Variants in PLA2R1 observed in about 807,000 individuals in gnomAD.
PLA2R1 encodes phospholipase A2 receptor 1.
Under a neutral mutation model 195.9 loss-of-function variants are expected in PLA2R1, and 158 were observed. The observed-to-expected ratio is 0.81, with a 90% CI of 0.71 to 0.92. PLA2R1 has a LOEUF of 0.92. Ranked by LOEUF, PLA2R1 falls within the 40% of genes least tolerant of loss-of-function variation. The pLI is 0.00. For missense variants in PLA2R1, 1,626 were observed against 1,764.6 expected (o/e 0.92, Z 1.41); for synonymous variants, 586 against 598.2 (o/e 0.98, Z 0.30).
In PLA2R1 at chr2:160,050,998, T is replaced by C. The variant is rs375335678; in HGVS notation, c.110-5841A>G. On this transcript the variant is annotated intron_variant, in intron 1 of 29. Transcript: ENST00000283243. The stretch of plus-strand genomic sequence containing the variant: ...CTCTTAGAACTAGCTGAGTGAAGGT[T>C]TGAAGTGTTAAAGTGAGTAAGATAA... Among the ~76,000 whole-genome samples the C allele has an allele frequency of 2.6e-5, 4 of 152,318 alleles. 1 individual carries two copies. The highest frequency in any genetic ancestry group is 9.6e-5 in the African/African-American group (4 of 41,566).
At chr2:160,007,509 C>A (rs1482124466) in intron 10 of PLA2R1, among the ~76,000 whole-genome samples, 1 of 152,248 alleles carries the variant, frequency 6.6e-6, no homozygotes, top group Non-Finnish European at 1.5e-5. Context: ...GAGGAACACA[C>A]CGGTGGAAGA....
intron 4 of PLA2R1, among the ~76,000 whole-genome samples, chr2:160,031,395 G>A (rs1210774121): frequency 6.6e-6 from 1 of 151,640 alleles, no homozygotes; most frequent in Non-Finnish European, 1.5e-5. Flanking sequence ...ACAGATACGG[G>A]CAAATGTTCA....
At chr2:160,035,445 A>G (rs1170754649) in intron 3 of PLA2R1, among the ~76,000 whole-genome samples, 1 of 152,194 alleles carries the variant, frequency 6.6e-6, no homozygotes, top group Non-Finnish European at 1.5e-5. Flanking sequence ...AACAAGGGGC[A>G]ACTCTGAAGG....
At chr2:160,052,488 C>A (rs1281562794) in intron 1 of PLA2R1, among the ~76,000 whole-genome samples, 1 of 152,208 alleles carries the variant, frequency 6.6e-6, no homozygotes, top group Non-Finnish European at 1.5e-5. Flanking sequence ...TTCCTTTTAG[C>A]TTTTAGTCTA....
At chr2:160,001,500 A>G (rs1410571343) in intron 11 of PLA2R1, among the ~76,000 whole-genome samples, 1 of 152,052 alleles carries the variant, frequency 6.6e-6, no homozygotes, top group African/African-American at 2.4e-5. Flanking sequence ...ACCAAACTAT[A>G]CAGTTAAGGA....
intron 2 of PLA2R1, among the ~76,000 whole-genome samples, chr2:160,043,985 T>C (rs1311188325): frequency 6.6e-6 from 1 of 152,160 alleles, no homozygotes; most frequent in East Asian, 1.9e-4. Context: ...GTCCAGTGCC[T>C]GATGAATGTG....
At chr2:160,013,701 CTGTCTCTCTCTCTCTCTCTCTGTG>C (rs1185450228) in intron 9 of PLA2R1, among the ~76,000 whole-genome samples, 1 of 131,210 alleles carries the variant, frequency 7.6e-6, no homozygotes, top group African/African-American at 2.9e-5. Flanking sequence ...CTCTCTCTCT[CTGTCTCTCTCTCTCTCTCTCTGTG>C]TGTGTGTGTG....
intron 1 of PLA2R1, among the ~76,000 whole-genome samples, chr2:160,061,969 C>G (rs1387792472): frequency 1.3e-5 from 2 of 152,086 alleles, no homozygotes; most frequent in Admixed American, 1.3e-4. Flanking sequence ...TGAAACTTCT[C>G]CGACACTCCT....
At chr2:159,953,726 G>C (rs1271986011) in intron 23 of PLA2R1, among the ~76,000 whole-genome samples, 4 of 152,224 alleles carry the variant, frequency 2.6e-5, no homozygotes, top group Non-Finnish European at 5.9e-5. Context: ...AAATACCAAA[G>C]AGAGAAAGTG....
At chr2:160,038,473 G>T (rs747228888) in intron 3 of PLA2R1, among the ~76,000 whole-genome samples, 16 of 152,232 alleles carry the variant, frequency 1.1e-4, no homozygotes, top group Non-Finnish European at 2.2e-4. Context: ...GGTTGGAGAA[G>T]GTTGGATGGG....
At chr2:159,928,825 T>C (rs918756332), downstream of PLA2R1, among the ~76,000 whole-genome samples, 1 of 152,106 alleles carries the variant, frequency 6.6e-6, no homozygotes, top group Non-Finnish European at 1.5e-5. Context: ...TGGAACAGAA[T>C]AGAGATCTCA....
At chr2:159,948,542 A>T (rs1687531061) in intron 25 of PLA2R1, among the ~76,000 whole-genome samples, 1 of 151,370 alleles carries the variant, frequency 6.6e-6, no homozygotes, top group Admixed American at 6.6e-5. Flanking sequence ...CTTCCTTACA[A>T]GTTGAGAAGT....
At chr2:160,029,800 A>T (rs1693749115) in intron 4 of PLA2R1, among the ~76,000 whole-genome samples, 1 of 152,230 alleles carries the variant, frequency 6.6e-6, no homozygotes, top group Non-Finnish European at 1.5e-5. Flanking sequence ...TGTCAGAAAC[A>T]TAATGAAAGT....
chr2:160,019,601 T>A (rs1220820309), intron 8 of PLA2R1, among the ~76,000 whole-genome samples: 1 of 152,234 alleles, frequency 6.6e-6, no homozygotes, highest in Non-Finnish European at 1.5e-5. Flanking sequence ...GGTCATGCCC[T>A]TTGTTTCCTT....
intron 20 of PLA2R1, 124 bp downstream of exon 20, chr2:159,967,415 C>A: frequency 1.4e-6 from 1 of 712,050 alleles, no homozygotes; most frequent in Non-Finnish European, 2.2e-6. Flanking sequence ...AAAGTTGTGA[C>A]AAAAAAATTC....
chr2:159,945,502 C>T (rs554131144), intron 27 of PLA2R1, among the ~76,000 whole-genome samples: 110 of 152,320 alleles, frequency 7.2e-4, no homozygotes, highest in Non-Finnish European at 1.3e-3. Flanking sequence ...GCAATTTTAT[C>T]CATGTCCCTA....
chr2:160,022,518 A>G, intron 7 of PLA2R1, 147 bp downstream of exon 7: 1 of 428,258 alleles, frequency 2.3e-6, no homozygotes, highest in Admixed American at 4.1e-5. Context: ...AATAAATTTG[A>G]ACTCCTGAAT....
intron 6 of PLA2R1, among the ~76,000 whole-genome samples, chr2:160,026,202 T>A (rs1693515238): frequency 1.3e-5 from 2 of 152,078 alleles, no homozygotes; most frequent in Admixed American, 6.5e-5. Flanking sequence ...ACCAAAGAAG[T>A]AAAGAGACTT....
intron 6 of PLA2R1, among the ~76,000 whole-genome samples, chr2:160,023,705 T>A (rs191362953): frequency 6.6e-6 from 1 of 152,322 alleles, no homozygotes; most frequent in Admixed American, 6.5e-5. Flanking sequence ...TCGCCTCCAA[T>A]TCTTTCTTGG....
Sources: gnomAD v4.1 joint callset for allele counts (sites outside exome capture counted in the v4.1 genomes callset) on GRCh38, gnomAD v4.1.1 for gene constraint, MANE v1.5 for transcripts, NCBI Gene and HGNC (gene_info 2026-07-23, HGNC 2026-07-21) for gene names.